Variants in STAG1 observed in about 807,000 individuals in gnomAD.
STAG1 encodes STAG1 cohesin complex component, also known as cohesin subunit SA-1.
Under a neutral mutation model 170.9 loss-of-function variants are expected in STAG1, and 26 were observed. That is an observed-to-expected ratio of 0.15 (90% CI 0.11 to 0.21). The LOEUF (loss-of-function observed/expected upper bound fraction) is 0.21. Ranked by LOEUF, STAG1 falls within the 10% of genes least tolerant of loss-of-function variation. The pLI is 1.00. For synonymous variants in STAG1, 514 were observed against 497.7 expected (o/e 1.03, Z -0.44); for missense variants, 964 against 1,509.5 (o/e 0.64, Z 5.99).
intron 1 of STAG1, among the ~76,000 whole-genome samples, chr3:136,668,837 A>G (rs1182599432): frequency 6.6e-6 from 1 of 152,154 alleles, no homozygotes; most frequent in Non-Finnish European, 1.5e-5. Flanking sequence ...CTCAATAGAG[A>G]CTTCCTTCAA....
chr3:136,557,141 G>T (rs544105408), intron 5 of STAG1, among the ~76,000 whole-genome samples: 1 of 152,204 alleles, frequency 6.6e-6, no homozygotes, highest in African/African-American at 2.4e-5. Flanking sequence ...GGAAGCTAAA[G>T]TGGGAGGATC....
intron 1 of STAG1, among the ~76,000 whole-genome samples, chr3:136,642,108 T>C (rs1047369761): frequency 1.3e-5 from 2 of 152,128 alleles, no homozygotes; most frequent in African/African-American, 2.4e-5. Flanking sequence ...GCTATGTAAG[T>C]TCCCCCTCCC....
chr3:136,542,813 A>C (rs1260878522), intron 5 of STAG1, among the ~76,000 whole-genome samples: 1 of 152,134 alleles, frequency 6.6e-6, no homozygotes, highest in Admixed American at 6.6e-5. Context: ...TTATACATTT[A>C]ATCTTTACAA....
At chr3:136,480,827 TTC>T (rs2089885623) in intron 9 of STAG1, among the ~76,000 whole-genome samples, 1 of 115,576 alleles carries the variant, frequency 8.7e-6, no homozygotes, top group Non-Finnish European at 1.8e-5. Flanking sequence ...AGGTATTTTA[TTC>T]TCTTTGAAGC....
chr3:136,338,457 A>G lies in STAG1; in HGVS notation c.3673-7T>C. On this transcript the variant is annotated splice_region_variant and splice_polypyrimidine_tract_variant and intron_variant, in intron 32 of 33. Coordinates refer to ENST00000383202, the MANE Select transcript of STAG1 (RefSeq NM_005862.3). ...GCCGATTTCTTGATGGAGGCTGGAA[A>G]GAGAAATCGGTTTCTTAATTTTTTT... is the stretch of plus-strand genomic sequence containing the variant. 1.2e-6 allele frequency: 2 copies of G among 1,611,700 alleles called. No homozygotes were observed. The highest frequency in any genetic ancestry group is 1.7e-6 in the Non-Finnish European group (2 of 1,178,178).
At chr3:136,716,286 C>A (rs1943539731) in intron 1 of STAG1, among the ~76,000 whole-genome samples, 1 of 151,624 alleles carries the variant, frequency 6.6e-6, no homozygotes, top group Non-Finnish European at 1.5e-5. Flanking sequence ...TAGTGAAACC[C>A]CACCTCTACT....
intron 23 of STAG1, among the ~76,000 whole-genome samples, chr3:136,370,810 G>A (rs1365966691): frequency 2.0e-4 from 31 of 152,216 alleles, no homozygotes; most frequent in Non-Finnish European, 3.2e-4. Flanking sequence ...GAATAGTGCC[G>A]CAATAAACAT....
At chr3:136,397,294 G>A (rs565914147) in intron 22 of STAG1, among the ~76,000 whole-genome samples, 44 of 152,166 alleles carry the variant, frequency 2.9e-4, no homozygotes, top group Non-Finnish European at 4.9e-4. Flanking sequence ...TTGTTTTCAT[G>A]AGTGATATTT....
chr3:136,410,968 T>C (rs2087608912), intron 21 of STAG1, among the ~76,000 whole-genome samples: 1 of 152,246 alleles, frequency 6.6e-6, no homozygotes, highest in Non-Finnish European at 1.5e-5. Flanking sequence ...AGCATGAGAA[T>C]TGTTTGAACC....
chr3:136,734,129 CAAAACA>C (rs1934204468), intron 1 of STAG1, among the ~76,000 whole-genome samples: 1 of 140,920 alleles, frequency 7.1e-6, no homozygotes, highest in Non-Finnish European at 1.6e-5. Context: ...AAAAACAAAA[CAAAACA>C]AAAACAAAAC....
chr3:136,356,897 C>A (rs535479309), intron 28 of STAG1, among the ~76,000 whole-genome samples: 186 of 151,822 alleles, frequency 1.2e-3, no homozygotes, highest in Middle Eastern at 6.8e-3. Context: ...GGACTACAGG[C>A]ATGCACCACC....
chr3:136,363,845 CTG>C (rs976507650), intron 25 of STAG1, among the ~76,000 whole-genome samples: 6 of 152,180 alleles, frequency 3.9e-5, no homozygotes, highest in African/African-American at 1.4e-4. Context: ...GCCTTCAACT[CTG>C]GGCTCTGGTG....
chr3:136,600,371 T>G (rs923475904), intron 4 of STAG1, among the ~76,000 whole-genome samples: 6 of 152,204 alleles, frequency 3.9e-5, no homozygotes, highest in Non-Finnish European at 5.9e-5. Context: ...CTATTCTTCA[T>G]GAAGCACTTT....
chr3:136,530,596 A>C (rs570852754), intron 6 of STAG1, among the ~76,000 whole-genome samples: 1 of 152,328 alleles, frequency 6.6e-6, no homozygotes, highest in African/African-American at 2.4e-5. Flanking sequence ...ATAAAACCAG[A>C]AATCAATACA....
intron 5 of STAG1, among the ~76,000 whole-genome samples, chr3:136,550,723 T>C (rs375841219): frequency 1.3e-5 from 2 of 152,178 alleles, no homozygotes; most frequent in South Asian, 2.1e-4. Flanking sequence ...TAGTCTCTTA[T>C]GATGTTTATT....
At chr3:136,630,812 A>G in intron 2 of STAG1, 58 bp downstream of exon 2, 3 of 1,224,660 alleles carry the variant, frequency 2.4e-6, no homozygotes, top group Non-Finnish European at 3.5e-6. Context: ...TGATAAAGAA[A>G]TAAGTTGTCC....
chr3:136,690,763 A>G (rs1942694627), intron 1 of STAG1, among the ~76,000 whole-genome samples: 1 of 152,046 alleles, frequency 6.6e-6, no homozygotes. Context: ...TGACTGGCAA[A>G]GATGTGTTGT....
chr3:136,746,828 G>A (rs1934957137), intron 1 of STAG1, among the ~76,000 whole-genome samples: 1 of 151,892 alleles, frequency 6.6e-6, no homozygotes, highest in South Asian at 2.1e-4. Flanking sequence ...CAGGCACAGT[G>A]CCTCAAGCCT....
chr3:136,738,996 C>T (rs1366354895), intron 1 of STAG1, among the ~76,000 whole-genome samples: 1 of 151,914 alleles, frequency 6.6e-6, no homozygotes, highest in African/African-American at 2.4e-5. Context: ...TCGAGGACTC[C>T]AGAAAGTAAT....
Sources: gnomAD v4.1 joint callset for allele counts (sites outside exome capture counted in the v4.1 genomes callset) on GRCh38, gnomAD v4.1.1 for gene constraint, MANE v1.5 for transcripts, NCBI Gene and HGNC (gene_info 2026-07-23, HGNC 2026-07-21) for gene names.